The following PLCXD3 variants were observed in gnomAD, a reference collection of about 807,000 sequenced individuals.
PLCXD3 encodes the protein PI-PLC X domain-containing protein 3.
PLCXD3 carries 19 observed loss-of-function variants against 25.5 expected under a neutral mutation model. That is an observed-to-expected ratio of 0.75 (90% CI 0.52 to 1.09). PLCXD3 has a LOEUF of 1.09. Ranked by LOEUF, PLCXD3 falls within the 50% of genes least tolerant of loss-of-function variation. The pLI is 0.00. For missense variants in PLCXD3, 411 were observed against 388.1 expected (o/e 1.06, Z -0.50); for synonymous variants, 174 against 137.6 (o/e 1.26, Z -1.85).
chr5:41,317,361 A>G (rs1367608527), intron 2 of PLCXD3, among the ~76,000 whole-genome samples: 1 of 152,222 alleles, frequency 6.6e-6, no homozygotes, highest in Non-Finnish European at 1.5e-5. Context: ...TAGTCTTTTC[A>G]AATTTCCAGA....
At chr5:41,485,052 T>C (rs1748489275) in intron 1 of PLCXD3, among the ~76,000 whole-genome samples, 1 of 152,180 alleles carries the variant, frequency 6.6e-6, no homozygotes, top group African/African-American at 2.4e-5. Flanking sequence ...ATTTGCTAGA[T>C]TAACTCATAA....
At position 41,470,328 on chromosome 5, in the gene PLCXD3, G is replaced by A. The variant is rs145321797; in HGVS notation, c.103+40096C>T. 3.5e-3 allele frequency among the ~76,000 whole-genome samples: 538 copies of A among 152,126 alleles called. 4 individuals are homozygous for A. The highest frequency in any genetic ancestry group is 0.012 in the African/African-American group (483 of 41,518). On this transcript the variant is annotated intron_variant, in intron 1 of 2. Transcript: ENST00000377801. Reference sequence around the variant, plus strand: ...GTTCTACTGCTCTCCAGAAGGGTCTGGAAAGGAGAATACTGATGAAAAGAA... The same window carrying A: ...GTTCTACTGCTCTCCAGAAGGGTCTAGAAAGGAGAATACTGATGAAAAGAA...
At chr5:41,353,124 G>A (rs1458713481) in intron 2 of PLCXD3, among the ~76,000 whole-genome samples, 11 of 142,884 alleles carry the variant, frequency 7.7e-5, no homozygotes, top group African/African-American at 2.4e-4. Context: ...ACAGAGTCTC[G>A]CTCTGTTGCC....
chr5:41,348,627 A>G (rs1486000278), intron 2 of PLCXD3, among the ~76,000 whole-genome samples: 1 of 152,014 alleles, frequency 6.6e-6, no homozygotes, highest in African/African-American at 2.4e-5. Context: ...AATACAGAAA[A>G]TTACTGAGTT....
At chr5:41,405,439 A>G (rs1460493817) in intron 1 of PLCXD3, among the ~76,000 whole-genome samples, 1 of 152,102 alleles carries the variant, frequency 6.6e-6, no homozygotes, top group African/African-American at 2.4e-5. Context: ...TCCTCCTATC[A>G]AGTAATAATT....
At chr5:41,441,636 A>C (rs1580375286) in intron 1 of PLCXD3, among the ~76,000 whole-genome samples, 1 of 152,286 alleles carries the variant, frequency 6.6e-6, no homozygotes. Context: ...GTTGGACCTC[A>C]CTATGCACTT....
chr5:41,339,450 A>ATT (rs70988843), intron 2 of PLCXD3, among the ~76,000 whole-genome samples: 40 of 148,012 alleles, frequency 2.7e-4, no homozygotes, highest in African/African-American at 9.1e-4. Flanking sequence ...AAATCATACT[A>ATT]TTTTTTTTTT....
chr5:41,373,276 C>T lies in PLCXD3; in HGVS notation c.812+8550G>A, dbSNP rs547897613. Among the ~76,000 whole-genome samples the T allele has an allele frequency of 1.2e-4, 18 of 152,274 alleles. No individual in the cohort carries two copies. In the South Asian group the frequency reaches 3.7e-3, roughly 32 times the overall value. ...TCGTAGACTGGTTCTGGTCAGTTTA[C>T]AGAGGCTACACATAACATGTCTCTG... On this transcript the variant is annotated intron_variant, in intron 2 of 2. Transcript: ENST00000377801.
At chr5:41,493,802 G>C (rs906302580) in intron 1 of PLCXD3, among the ~76,000 whole-genome samples, 1 of 152,148 alleles carries the variant, frequency 6.6e-6, no homozygotes. Flanking sequence ...GCGCAGTATT[G>C]GGGTGGGAGT....
At chr5:41,450,915 A>T (rs80093164) in intron 1 of PLCXD3, among the ~76,000 whole-genome samples, 3 of 152,094 alleles carry the variant, frequency 2.0e-5, no homozygotes, top group Non-Finnish European at 4.4e-5. Context: ...GCAGAAAAAA[A>T]GGAGGAAGAG....
intron 1 of PLCXD3, chr5:41,475,562 A>G (rs780743179): frequency 3.8e-6 from 2 of 525,324 alleles, no homozygotes; most frequent in Non-Finnish European, 7.8e-6. Context: ...ATTTATCCCT[A>G]CTTATCTCTG....
chr5:41,331,922 C>A (rs960067999), intron 2 of PLCXD3, among the ~76,000 whole-genome samples: 12 of 152,296 alleles, frequency 7.9e-5, no homozygotes, highest in African/African-American at 2.4e-4. Context: ...CCCTTCCTTA[C>A]ACCTGATACA....
chr5:41,460,946 A>G (rs1401246363), intron 1 of PLCXD3, among the ~76,000 whole-genome samples: 2 of 151,936 alleles, frequency 1.3e-5, no homozygotes, highest in African/African-American at 2.4e-5. Context: ...TTGGTATAAG[A>G]TTACATTTTT....
At chr5:41,383,820 AC>A (rs1745555949) in intron 1 of PLCXD3, among the ~76,000 whole-genome samples, 7 of 149,662 alleles carry the variant, frequency 4.7e-5, no homozygotes. Context: ...TATCCATACA[AC>A]ACTTCAAAGC....
chr5:41,326,425 TACCCA>T (rs1206117300), intron 2 of PLCXD3, among the ~76,000 whole-genome samples: 1 of 152,178 alleles, frequency 6.6e-6, no homozygotes, highest in Non-Finnish European at 1.5e-5. Flanking sequence ...CTGCAAGATA[TACCCA>T]ACTCTTCAGC....
chr5:41,356,721 C>G (rs915331364), intron 2 of PLCXD3, among the ~76,000 whole-genome samples: 2 of 152,144 alleles, frequency 1.3e-5, no homozygotes, highest in Admixed American at 6.5e-5. Context: ...GCTATGAGCT[C>G]TTAACAAAAC....
intron 1 of PLCXD3, among the ~76,000 whole-genome samples, chr5:41,397,057 GA>G (rs1366941966): frequency 3.3e-5 from 5 of 152,224 alleles, no homozygotes; most frequent in African/African-American, 1.2e-4. Flanking sequence ...CCATGCAGTA[GA>G]AAAGGAAAAC....
At chr5:41,432,588 A>T (rs1354781505) in intron 1 of PLCXD3, among the ~76,000 whole-genome samples, 1 of 152,226 alleles carries the variant, frequency 6.6e-6, no homozygotes, top group African/African-American at 2.4e-5. Flanking sequence ...CCAAAGTACA[A>T]CCTGCCAGAG....
chr5:41,355,062 G>A (rs749904668), intron 2 of PLCXD3, among the ~76,000 whole-genome samples: 6 of 152,056 alleles, frequency 3.9e-5, no homozygotes, highest in Non-Finnish European at 7.4e-5. Context: ...TCTGAATATA[G>A]ACACACATCA....
Sources: gnomAD v4.1 joint callset for allele counts (sites outside exome capture counted in the v4.1 genomes callset) on GRCh38, gnomAD v4.1.1 for gene constraint, MANE v1.5 for transcripts, NCBI Gene and HGNC (gene_info 2026-07-23, HGNC 2026-07-21) for gene names.